RYR2: variants seen among roughly 807,000 people sequenced by gnomAD.
The protein encoded by RYR2 is ryanodine receptor 2, also known as cardiac muscle ryanodine receptor-calcium release channel.
A neutral mutation model predicts 601.1 loss-of-function variants in RYR2; 227 were observed. The ratio of observed to expected loss-of-function variants is 0.38; its 90% CI spans 0.34 to 0.42. The LOEUF is 0.42. Among genes scored for constraint, RYR2 ranks in the 10% least tolerant of loss-of-function variants. The probability of loss-of-function intolerance (pLI) is 1.00; values close to 1 mark genes in which losing one functional copy is unlikely to be tolerated. For synonymous variants in RYR2, 2,223 were observed against 2,175.1 expected, an observed-to-expected ratio of 1.02 and a Z score of -0.61; for missense variants, 4,646 against 6,156.5, an observed-to-expected ratio of 0.75 and a Z score of 8.21.
chr1:237,801,995 G>C, intron 98 of RYR2, 79 bp downstream of exon 98: 1 of 830,892 alleles, frequency 1.2e-6, no homozygotes. Context: ...TGGAAGGCTG[G>C]TTATTTAGAA....
intron 25 of RYR2, among the ~76,000 whole-genome samples, chr1:237,547,033 T>A (rs535007936): frequency 3.4e-5 from 5 of 146,746 alleles, no homozygotes; most frequent in African/African-American, 1.2e-4. Flanking sequence ...AGAGATGGAG[T>A]CTTGCTCTGT....
chr1:237,643,536 C>G, intron 48 of RYR2, 89 bp downstream of exon 48: 2 of 1,442,884 alleles, frequency 1.4e-6, no homozygotes, highest in Non-Finnish European at 1.9e-6. Flanking sequence ...ACATCCCAAC[C>G]TCTCCACTTC....
At chr1:237,540,846 A>T (rs1340427081) in intron 25 of RYR2, among the ~76,000 whole-genome samples, 1 of 152,036 alleles carries the variant, frequency 6.6e-6, no homozygotes, top group Non-Finnish European at 1.5e-5. Flanking sequence ...AAACAAGGTG[A>T]TATCTCTGAG....
intron 70 of RYR2, among the ~76,000 whole-genome samples, chr1:237,710,288 A>G (rs2149072945): frequency 6.6e-6 from 1 of 152,266 alleles, no homozygotes; most frequent in East Asian, 1.9e-4. Flanking sequence ...ATTCTATGCC[A>G]CTCTGTAAAT....
intron 1 of RYR2, among the ~76,000 whole-genome samples, chr1:237,130,687 C>G (rs995301757): frequency 3.0e-5 from 4 of 134,652 alleles, no homozygotes; most frequent in Admixed American, 8.0e-5. Flanking sequence ...CAGAGCGAGA[C>G]TCTGTCTCAA....
chr1:237,794,294 A>C (rs779910995), intron 95 of RYR2, among the ~76,000 whole-genome samples: 9 of 150,846 alleles, frequency 6.0e-5, no homozygotes, highest in Non-Finnish European at 1.2e-4. Flanking sequence ...CAGGAAGTGC[A>C]TGACCTGCAG....
At chr1:237,201,559 G>A (rs1681196409) in intron 1 of RYR2, among the ~76,000 whole-genome samples, 2 of 152,058 alleles carry the variant, frequency 1.3e-5, no homozygotes, top group African/African-American at 2.4e-5. Flanking sequence ...TTAATTATTG[G>A]CCCCTAGTTT....
At chr1:237,802,412 G>A (rs751022378) in intron 98 of RYR2, 1 of 152,120 alleles carries the variant, frequency 6.6e-6, no homozygotes, top group Non-Finnish European at 1.5e-5. Flanking sequence ...AAACCGCCAG[G>A]TGTCTCAAGA....
chr1:237,719,621 C>T (rs1689544670), intron 73 of RYR2, among the ~76,000 whole-genome samples: 1 of 152,108 alleles, frequency 6.6e-6, no homozygotes, highest in African/African-American at 2.4e-5. Flanking sequence ...TGCGAAGCCA[C>T]TTATGAAAGT....
At chr1:237,560,375 G>A (rs1671328132) in intron 27 of RYR2, among the ~76,000 whole-genome samples, 1 of 152,234 alleles carries the variant, frequency 6.6e-6, no homozygotes, top group Admixed American at 6.5e-5. Flanking sequence ...CAAGCTCTAA[G>A]TCAAGTGGAA....
chr1:237,407,444 A>G (rs1306824486), intron 10 of RYR2, among the ~76,000 whole-genome samples: 1 of 152,126 alleles, frequency 6.6e-6, no homozygotes, highest in Non-Finnish European at 1.5e-5. Flanking sequence ...TCCAGCATTT[A>G]ATGTTGCAGT....
intron 17 of RYR2, among the ~76,000 whole-genome samples, chr1:237,473,440 T>TCTTTCTTTCTTTCTTTCTTTCTTTCTTC (rs1203909408): frequency 4.1e-5 from 4 of 98,138 alleles, no homozygotes; most frequent in African/African-American, 1.2e-4. Context: ...TCTCTTTCTT[T>TCTTTCTTTCTTTCTTTCTTTCTTTCTTC]CTTTCTTTCT....
In RYR2 at chr1:237,270,573, T is replaced by A; in HGVS notation, c.125T>A (p.Phe42Tyr). Residue 42 changes from phenylalanine (F) to tyrosine (Y), a missense_variant, in exon 2 of 105, where the codon TTT becomes TAT. Coordinates refer to ENST00000366574, the MANE Select transcript of RYR2 (RefSeq NM_001035.3). ...QQKLCLAAEG[F>Y]GNRLCFLEST... The stretch of plus-strand genomic sequence containing the variant: ...AAGCTATGCTTGGCAGCAGAAGGAT[T>A]TGGCAACAGACTTTGTTTCTTGGAG... The A allele has an allele frequency of 1.9e-6, 3 of 1,597,844 alleles. No homozygotes were observed. The highest frequency in any genetic ancestry group is 2.6e-6 in the Non-Finnish European group (3 of 1,171,854).
chr1:237,649,769 A>T, intron 49 of RYR2, 108 bp from the exon 50 acceptor site: 1 of 862,392 alleles, frequency 1.2e-6, no homozygotes, highest in Non-Finnish European at 1.8e-6. Flanking sequence ...CATGTGTCAT[A>T]GTGCTATCAT....
intron 56 of RYR2, among the ~76,000 whole-genome samples, chr1:237,661,360 A>ACAGTGG (rs1683774769): frequency 6.6e-6 from 1 of 152,010 alleles, no homozygotes; most frequent in South Asian, 2.1e-4. Flanking sequence ...GTGGGGGGCT[A>ACAGTGG]GGGGAGGGAT....
In RYR2 at chr1:237,633,794, T is replaced by G. The variant is rs373795887; in HGVS notation, c.6688+84T>G. On this transcript the variant is annotated intron_variant, in intron 43 of 104. Transcript: ENST00000366574. ...AAAGCAAACGTTTTGTTAAAAAATG[T>G]GCAATGGACCTGAATAGACATTTCA... The G allele has an allele frequency of 6.1e-5, 82 of 1,338,086 alleles. No homozygotes were observed. In the East Asian group the frequency reaches 1.4e-3, roughly 23 times the overall value. The allele number at this position is 1,338,086 out of a possible 1,614,324, so 82.9% of individuals were successfully genotyped here.
chr1:237,485,950 G>A (rs753305262), intron 17 of RYR2, among the ~76,000 whole-genome samples: 2 of 152,178 alleles, frequency 1.3e-5, no homozygotes, highest in Non-Finnish European at 2.9e-5. Context: ...CAGTTTGGAG[G>A]ATGGGTTGGG....
At chr1:237,758,911 T>G (rs1360673873) in intron 82 of RYR2, among the ~76,000 whole-genome samples, 1 of 152,242 alleles carries the variant, frequency 6.6e-6, no homozygotes. Context: ...CATGTATGTT[T>G]AACCAAAATT....
At position 237,441,879 on chromosome 1, in the gene RYR2, A is replaced by G. The variant is rs184891417; in HGVS notation, c.1170+396A>G. 5.0e-3 allele frequency among the ~76,000 whole-genome samples: 675 copies of G among 136,068 alleles called. 9 individuals carry two copies. The highest frequency in any genetic ancestry group is 0.023 in the African/African-American group (633 of 27,490). The allele number at this position is 136,068 out of a possible 152,430, so 89.3% of individuals were successfully genotyped here. ...CCAGAAATTAAACTAAACACAATCT[A>G]AGGAGGGGGCGGGGTCAGAAAGGAA... On this transcript the variant is annotated intron_variant, in intron 13 of 104. Transcript: ENST00000366574.
Sources: allele counts gnomAD v4.1 joint callset (sites outside exome capture counted in the v4.1 genomes callset), GRCh38; gene constraint gnomAD v4.1.1; transcripts MANE v1.5; gene names NCBI Gene and HGNC (gene_info 2026-07-23, HGNC 2026-07-21).